Variants in SAMD8 observed in about 807,000 individuals in gnomAD.
The protein encoded by SAMD8 is sterile alpha motif domain containing 8, also known as sphingomyelin synthase-related protein 1.
A neutral mutation model predicts 42.0 loss-of-function variants in SAMD8; 20 were observed. That is an observed-to-expected ratio of 0.48 (90% CI 0.34 to 0.69). SAMD8 has a LOEUF of 0.69. SAMD8 is among the 30% of genes least tolerant of loss of function. The pLI is 0.01. For synonymous variants in SAMD8, 162 were observed against 173.0 expected (o/e 0.94, Z 0.50); for missense variants, 328 against 511.6 (o/e 0.64, Z 3.46).
At position 75,179,385 on chromosome 10, in the gene SAMD8, A is replaced by G. The variant is rs1414294535; in HGVS notation, c.*2693A>G. On this transcript the variant is annotated 3_prime_UTR_variant, in exon 6 of 6. Coordinates refer to ENST00000542569, the MANE Select transcript of SAMD8 (RefSeq NM_001174156.2). ...ATCAATAACAAAAACTTAAATAGCT[A>G]TTAACCTCAGTCTTCTTTCCTTCAT... 1 of 152,206 alleles carries G rather than the reference A, an allele frequency of 6.6e-6. No individual in the cohort carries two copies. The highest frequency in any genetic ancestry group is 2.4e-5 in the African/African-American group (1 of 41,460). The allele number at this position is 152,206 out of a possible 1,614,324, so 9.4% of individuals were successfully genotyped here. A position where few individuals can be genotyped will look rare whatever the true frequency, so the allele number is the denominator to read the frequency against.
At chr10:75,170,258 T>C (rs1250547058) in intron 4 of SAMD8, among the ~76,000 whole-genome samples, 1 of 152,242 alleles carries the variant, frequency 6.6e-6, no homozygotes, top group African/African-American at 2.4e-5. Flanking sequence ...TTCTCACATA[T>C]TCAAATAAAT....
At chr10:75,108,112 A>G, upstream of SAMD8, 1 of 1,613,800 alleles carries the variant, frequency 6.2e-7, no homozygotes, top group Non-Finnish European at 8.5e-7. Context: ...CTGCCGTAGA[A>G]GTCAGGGCCG....
rs1202536277 is a variant in SAMD8, at chr10:75,180,013, T to A, written c.*3321T>A. 2.6e-5 allele frequency: 4 copies of A among 152,098 alleles called. No homozygotes were observed. Among genetic ancestry groups the A allele is most frequent in the African/African-American group, 9.7e-5 (4 of 41,420 alleles). 9.4% of individuals were successfully genotyped at this position (152,098 alleles called of 1,614,324 possible). Reference sequence around the variant, plus strand: ...CCTGGCAGCAGTGTTGCCTTTTTTTTTCTTTTCCTTTTTTTTTTTTAAAGA... The same window carrying A: ...CCTGGCAGCAGTGTTGCCTTTTTTTATCTTTTCCTTTTTTTTTTTTAAAGA... On this transcript the variant is annotated 3_prime_UTR_variant, in exon 6 of 6. Coordinates refer to ENST00000542569, the MANE Select transcript of SAMD8 (RefSeq NM_001174156.2).
Position 75,176,120 on chromosome 10 carries a change from T to C in SAMD8, c.847T>C (p.Phe283Leu), listed in dbSNP as rs1162774485. Residue 283 changes from phenylalanine (F) to leucine (L), a missense_variant, in exon 5 of 6, where the codon TTT (phenylalanine) becomes CTT (leucine). Around this residue, in one of 2 missense-constraint regions of SAMD8, gnomAD observed 178 missense variants for 325.6 expected, o/e 0.55. Transcript: ENST00000542569. The surrounding 1 kb of genome is among the most constrained non-coding windows in gnomAD (Gnocchi z 4.3). ...TCGAGCCTTTGCCATTTGGAGTGGC[T>C]TTGGTATGACCCTGACTGGCGTTCA... ...LHRAFAIWSG[F>L]GMTLTGVHTC... 1 of 1,614,236 alleles carries C rather than the reference T, an allele frequency of 6.2e-7. No homozygotes were observed. The highest frequency in any genetic ancestry group is 1.3e-5 in the African/African-American group (1 of 75,054).
intron 2 of SAMD8, among the ~76,000 whole-genome samples, chr10:75,162,219 C>T (rs1236272146): frequency 5.3e-5 from 8 of 152,042 alleles, no homozygotes; most frequent in Admixed American, 4.6e-4. Context: ...ATTAGCTGGG[C>T]GTGGTGGTGG....
upstream of SAMD8, among the ~76,000 whole-genome samples, chr10:75,110,898 C>T (rs200619442): frequency 1.2e-4 from 19 of 152,182 alleles, no homozygotes; most frequent in East Asian, 2.1e-3. Flanking sequence ...TCATTGCAAC[C>T]TCCATTTCCC....
intron 2 of SAMD8, among the ~76,000 whole-genome samples, chr10:75,152,521 CAA>C (rs1280262074): frequency 1.3e-4 from 6 of 46,462 alleles, no homozygotes; most frequent in Non-Finnish European, 1.8e-4. Context: ...GACTCCGTCT[CAA>C]AAAAAAAAAA....
intron 2 of SAMD8, among the ~76,000 whole-genome samples, chr10:75,157,038 G>T (rs923995397): frequency 6.6e-6 from 1 of 151,888 alleles, no homozygotes; most frequent in African/African-American, 2.4e-5. Flanking sequence ...TCGGGGAGGG[G>T]TTCACCTCCC....
chr10:75,112,188 C>T lies in SAMD8; in HGVS notation c.-16+466C>T, dbSNP rs539253842. Reference sequence around the variant, plus strand: ...GGGACTGGAGCCCTCTCATGGGGTTCTCCTCTTACGGAGCCCTCTTATCCG... The same window carrying T: ...GGGACTGGAGCCCTCTCATGGGGTTTTCCTCTTACGGAGCCCTCTTATCCG... On this transcript the variant is annotated intron_variant, in intron 1 of 5. Transcript: ENST00000542569. 5.3e-5 allele frequency among the ~76,000 whole-genome samples: 8 copies of T among 152,244 alleles called. No homozygotes were observed. The South Asian group carries it at 1.2e-3, about 24-fold the overall frequency.
chr10:75,109,128 C>G, upstream of SAMD8: 1 of 1,606,672 alleles, frequency 6.2e-7, no homozygotes, highest in South Asian at 1.1e-5. Context: ...TGTCCTCTCC[C>G]CCCAGCTCTG....
At chr10:75,134,147 C>T (rs1564680995) in intron 1 of SAMD8, among the ~76,000 whole-genome samples, 1 of 152,078 alleles carries the variant, frequency 6.6e-6, no homozygotes, top group Non-Finnish European at 1.5e-5. Context: ...AGCACATGTA[C>T]ACAGGGAGGG....
chr10:75,105,744 C>G (rs1488765717), intron 1 of SAMD8: 14 of 1,554,300 alleles, frequency 9.0e-6, no homozygotes, highest in Non-Finnish European at 1.1e-5. Flanking sequence ...TGGGGAAGAC[C>G]CATCGGTGCT....
rs529608678 is a variant in SAMD8 at position 75,150,959 on chromosome 10, G to A, written c.431G>A (p.Arg144Lys). ...GGTAAAAACAAACATTCTGTTCGAA[G>A]ATTGGACCCAGAATACTGGAAGACT... Reference protein sequence around the residue: ...MNGKNKHSVRRLDPEYWKTIL... With the variant: ...MNGKNKHSVRKLDPEYWKTIL... Residue 144 changes from arginine to lysine, a missense_variant, in exon 2 of 6, where the codon AGA becomes AAA. Physicochemically the swap from Arg to Lys is conservative, Grantham distance 26. Coordinates refer to ENST00000542569, the MANE Select transcript of SAMD8 (RefSeq NM_001174156.2). 6 of 1,613,230 alleles carry A rather than the reference G, an allele frequency of 3.7e-6. No homozygotes were observed. In the South Asian group the frequency reaches 5.5e-5, roughly 15 times the overall value.
At chr10:75,118,949 T>G (rs564180016) in intron 1 of SAMD8, among the ~76,000 whole-genome samples, 2 of 152,350 alleles carry the variant, frequency 1.3e-5, no homozygotes, top group African/African-American at 4.8e-5. Flanking sequence ...ATAAGCTAAA[T>G]GTATTTGATT....
intron 1 of SAMD8, among the ~76,000 whole-genome samples, chr10:75,144,233 C>G (rs1240276670): frequency 6.6e-6 from 1 of 152,124 alleles, no homozygotes; most frequent in African/African-American, 2.4e-5. Context: ...TCCCAAAGTG[C>G]TGGGATTACA....
At chr10:75,120,158 T>C (rs1055046596) in intron 1 of SAMD8, among the ~76,000 whole-genome samples, 2 of 152,376 alleles carry the variant, frequency 1.3e-5, no homozygotes, top group East Asian at 1.9e-4. Context: ...TAGCTGTGTC[T>C]TTCTAGTTTT....
intron 2 of SAMD8, among the ~76,000 whole-genome samples, chr10:75,163,432 CTCTT>C (rs1449036288): frequency 1.3e-5 from 2 of 151,668 alleles, no homozygotes; most frequent in South Asian, 2.1e-4. Context: ...TCTTTCTTCC[CTCTT>C]TCTTTTTTTC....
intron 4 of SAMD8, among the ~76,000 whole-genome samples, chr10:75,173,131 T>G (rs1475890540): frequency 6.6e-6 from 1 of 152,154 alleles, no homozygotes; most frequent in African/African-American, 2.4e-5. Flanking sequence ...CTAATGACTG[T>G]TTTTATCAGT....
At chr10:75,127,770 A>C (rs1849178200) in intron 1 of SAMD8, among the ~76,000 whole-genome samples, 1 of 152,266 alleles carries the variant, frequency 6.6e-6, no homozygotes, top group African/African-American at 2.4e-5. Context: ...AGTATTCAGC[A>C]TGTAAATGTT....
Sources: gnomAD v4.1 joint callset for allele counts (sites outside exome capture counted in the v4.1 genomes callset) on GRCh38, gnomAD v4.1.1 for gene constraint, gnomAD v4.1.1 regional missense constraint, Gnocchi (gnomAD v3.1) non-coding constraint, MANE v1.5 for transcripts, NCBI Gene and HGNC (gene_info 2026-07-23, HGNC 2026-07-21) for gene names.